ARHGAP25: variants seen among roughly 807,000 people sequenced by gnomAD.
ARHGAP25 encodes the protein Rho GTPase activating protein 25.
ARHGAP25 carries 34 observed loss-of-function variants against 71.0 expected under a neutral mutation model. The observed-to-expected ratio is 0.48, with a 90% CI of 0.36 to 0.64. The LOEUF (loss-of-function observed/expected upper bound fraction) is 0.64, where lower values mean the gene tolerates loss of function less well. Among genes scored for constraint, ARHGAP25 ranks in the 30% least tolerant of loss-of-function variants. ARHGAP25 has a pLI of 0.00. For missense variants in ARHGAP25, 706 were observed against 805.1 expected (o/e 0.88, Z 1.49); for synonymous variants, 282 against 296.5 (o/e 0.95, Z 0.50).
rs1359259820 is a variant in ARHGAP25 at position 68,775,681 on chromosome 2, C to T, written c.261+261C>T. On this transcript the variant is annotated intron_variant, in intron 2 of 10. Transcript: ENST00000409202. Reference sequence around the variant, plus strand: ...CTCTGAGTCAAGACTGGCAACAGGGCGGTGATGGTAGTGACACTCAGTCAA... The same window carrying T: ...CTCTGAGTCAAGACTGGCAACAGGGTGGTGATGGTAGTGACACTCAGTCAA... 7 of 625,586 alleles carry T rather than the reference C, an allele frequency of 1.1e-5. No individual in the cohort carries two copies. In the East Asian group the frequency reaches 1.4e-4, roughly 12 times the overall value. The allele number at this position is 625,586 out of a possible 1,614,324, so 38.8% of individuals were successfully genotyped here. A position where few individuals can be genotyped will look rare whatever the true frequency, so the allele number is the denominator to read the frequency against.
chr2:68,735,126 G>C lies in ARHGAP25; in HGVS notation c.-74G>C. 1 of 1,249,454 alleles carries C rather than the reference G, an allele frequency of 8.0e-7. No homozygotes were observed. The highest frequency in any genetic ancestry group is 1.2e-6 in the Non-Finnish European group (1 of 847,866). 77.4% of individuals were successfully genotyped at this position (1,249,454 alleles called of 1,614,324 possible). On this transcript the variant is annotated 5_prime_UTR_variant, in exon 1 of 11. Coordinates refer to ENST00000409202, the MANE Select transcript of ARHGAP25 (RefSeq NM_001007231.3). The stretch of plus-strand genomic sequence containing the variant: ...ACAGACACAAAAACAGAGGGAAAGA[G>C]TGAAAAGACAAGAAGGGCGCAAACT...
intron 2 of ARHGAP25, among the ~76,000 whole-genome samples, chr2:68,781,400 C>CAAAAAAAAAAAA (rs1171415238): frequency 6.6e-6 from 1 of 151,730 alleles, no homozygotes; most frequent in African/African-American, 2.4e-5. Flanking sequence ...AAAAAGAAAC[C>CAAAAAAAAAAAA]AAAAGAATTA....
At chr2:68,825,913 G>A in intron 10 of ARHGAP25, 74 bp from the exon 11 acceptor site, 1 of 1,309,952 alleles carries the variant, frequency 7.6e-7, no homozygotes, top group Non-Finnish European at 1.1e-6. Context: ...TGAGCAGCAG[G>A]TTGTGAGCAA....
chr2:68,793,038 T>A (rs182185582), intron 4 of ARHGAP25, among the ~76,000 whole-genome samples: 1 of 152,220 alleles, frequency 6.6e-6, no homozygotes, highest in Non-Finnish European at 1.5e-5. Context: ...TGTTGAGGAT[T>A]TTTTTCATAT....
At chr2:68,717,423 A>G (rs1020867862) in intron 2 of ARHGAP25, among the ~76,000 whole-genome samples, 1 of 152,190 alleles carries the variant, frequency 6.6e-6, no homozygotes, top group Non-Finnish European at 1.5e-5. Context: ...TGAGGCTTTT[A>G]CTGGCTCTAG....
upstream of ARHGAP25, among the ~76,000 whole-genome samples, chr2:68,730,519 G>A (rs1035526423): frequency 1.1e-4 from 17 of 151,960 alleles, no homozygotes; most frequent in Non-Finnish European, 2.5e-4. Flanking sequence ...GCATGGTAGT[G>A]AAAGCTTGCA....
intron 2 of ARHGAP25, among the ~76,000 whole-genome samples, chr2:68,717,003 T>C (rs1246580760): frequency 1.3e-5 from 2 of 152,242 alleles, no homozygotes; most frequent in East Asian, 1.9e-4. Flanking sequence ...AATGAAGATA[T>C]GTTCTGAGAA....
intron 2 of ARHGAP25, among the ~76,000 whole-genome samples, chr2:68,726,230 C>T (rs966044553): frequency 6.6e-6 from 1 of 152,150 alleles, no homozygotes; most frequent in African/African-American, 2.4e-5. Flanking sequence ...GTGAACGGTT[C>T]CTTTATATTT....
chr2:68,792,982 G>A (rs868749967), intron 4 of ARHGAP25, among the ~76,000 whole-genome samples: 39 of 152,248 alleles, frequency 2.6e-4, no homozygotes, highest in African/African-American at 8.4e-4. Context: ...GGCGTAAGGT[G>A]CGATCTCATT....
intron 2 of ARHGAP25, among the ~76,000 whole-genome samples, chr2:68,725,217 C>G (rs533904458): frequency 1.6e-4 from 24 of 152,316 alleles, no homozygotes; most frequent in African/African-American, 5.1e-4. Flanking sequence ...GTCTCACTCA[C>G]CTAGACCATT....
At chr2:68,736,777 A>C (rs891237079) in intron 1 of ARHGAP25, among the ~76,000 whole-genome samples, 2 of 152,148 alleles carry the variant, frequency 1.3e-5, no homozygotes, top group African/African-American at 4.8e-5. Context: ...AAAAATGCAG[A>C]TTTCTGGGCA....
At chr2:68,816,237 T>C (rs781513396) in intron 6 of ARHGAP25, 52 bp from the exon 7 acceptor site, 3 of 1,491,796 alleles carry the variant, frequency 2.0e-6, no homozygotes, top group African/African-American at 1.4e-5. Flanking sequence ...TGCTGGCACA[T>C]GGGCAGGCTC....
chr2:68,766,832 A>G (rs1677152110), intron 1 of ARHGAP25, among the ~76,000 whole-genome samples: 1 of 150,636 alleles, frequency 6.6e-6, no homozygotes, highest in East Asian at 2.0e-4. Context: ...CACACAGATA[A>G]TTTCTCTCCC....
chr2:68,791,303 A>G (rs1331227369), intron 4 of ARHGAP25, among the ~76,000 whole-genome samples: 2 of 152,216 alleles, frequency 1.3e-5, no homozygotes, highest in Non-Finnish European at 2.9e-5. Flanking sequence ...TTTTTTGTGC[A>G]GTACCATATC....
intron 5 of ARHGAP25, among the ~76,000 whole-genome samples, chr2:68,807,970 G>A (rs1339246935): frequency 1.3e-5 from 2 of 152,202 alleles, no homozygotes; most frequent in African/African-American, 4.8e-5. Context: ...AGTACTACGT[G>A]ATTCTGACTC....
intron 7 of ARHGAP25, 131 bp downstream of exon 7, chr2:68,816,493 A>G (rs1681243759): frequency 1.4e-6 from 1 of 724,340 alleles, no homozygotes; most frequent in African/African-American, 1.8e-5. Flanking sequence ...AGCTGTATTC[A>G]CATAGCACTG....
chr2:68,766,725 T>C (rs988060444), intron 1 of ARHGAP25, among the ~76,000 whole-genome samples: 2 of 151,906 alleles, frequency 1.3e-5, no homozygotes, highest in Non-Finnish European at 2.9e-5. Flanking sequence ...TCTCTCTCTC[T>C]CTCTCTCTTG....
At chr2:68,795,613 T>C (rs746561979) in intron 4 of ARHGAP25, among the ~76,000 whole-genome samples, 3 of 152,220 alleles carry the variant, frequency 2.0e-5, no homozygotes, top group Admixed American at 6.5e-5. Flanking sequence ...TTTATTCCAC[T>C]GTGGTCTGAG....
At position 68,805,911 on chromosome 2, in the gene ARHGAP25, CG is replaced by C. The variant is rs370380657; in HGVS notation, c.467-1360del. On this transcript the variant is annotated intron_variant, in intron 4 of 10. Transcript: ENST00000409202. Reference sequence around the variant, plus strand: ...GTCACGCAGGACAGGACAGAAGCCACGGCCTGTCTTCTGAACCTCCAGGGTA... The same window carrying C: ...GTCACGCAGGACAGGACAGAAGCCACGCCTGTCTTCTGAACCTCCAGGGTA... Among the ~76,000 whole-genome samples, 288 of 152,292 alleles carry C rather than the reference CG, an allele frequency of 1.9e-3. 3 individuals are homozygous for C. Among genetic ancestry groups the C allele is most frequent in the African/African-American group, 6.5e-3 (269 of 41,560 alleles).
Sources: gnomAD v4.1 joint callset for allele counts (sites outside exome capture counted in the v4.1 genomes callset) on GRCh38, gnomAD v4.1.1 for gene constraint, MANE v1.5 for transcripts, NCBI Gene and HGNC (gene_info 2026-07-23, HGNC 2026-07-21) for gene names.